The following GRIP1 variants were observed in gnomAD, a reference collection of about 807,000 sequenced individuals.
GRIP1 encodes glutamate receptor-interacting protein 1.
In GRIP1, 45 loss-of-function variants were observed where a neutral mutation model predicts 129.9. That is an observed-to-expected ratio of 0.35 (90% CI 0.27 to 0.44). GRIP1 has a LOEUF of 0.44. Among genes scored for constraint, GRIP1 ranks in the 20% least tolerant of loss-of-function variants. GRIP1 has a pLI of 1.00. For synonymous variants in GRIP1, 530 were observed against 520.8 expected (o/e 1.02, Z -0.24); for missense variants, 1,196 against 1,396.8 (o/e 0.86, Z 2.29).
intron 1 of GRIP1, among the ~76,000 whole-genome samples, chr12:66,908,738 C>T (rs2040978482): frequency 6.6e-6 from 1 of 152,140 alleles, no homozygotes; most frequent in South Asian, 2.1e-4. Context: ...GACTGTATAT[C>T]TTCAGGGATA....
chr12:66,605,698 C>G (rs2064491901), intron 1 of GRIP1, among the ~76,000 whole-genome samples: 1 of 152,142 alleles, frequency 6.6e-6, no homozygotes, highest in African/African-American at 2.4e-5. Context: ...TTCAGTGGCT[C>G]ACTATGATCT....
chr12:67,043,972 C>T (rs150306704), intron 1 of GRIP1, among the ~76,000 whole-genome samples: 222 of 152,092 alleles, frequency 1.5e-3, no homozygotes, highest in African/African-American at 5.3e-3. Context: ...AGCTGCTGAA[C>T]TGAAATATCT....
intron 1 of GRIP1, among the ~76,000 whole-genome samples, chr12:66,893,948 C>G (rs1008634047): frequency 9.9e-5 from 15 of 152,130 alleles, no homozygotes; most frequent in Non-Finnish European, 1.9e-4. Context: ...CTAGCTTCAT[C>G]TCTATTCCTC....
intron 7 of GRIP1, among the ~76,000 whole-genome samples, chr12:66,466,733 T>C (rs1030088587): frequency 1.3e-5 from 2 of 152,250 alleles, no homozygotes; most frequent in African/African-American, 4.8e-5. Flanking sequence ...TGCTATATTA[T>C]GACCTCAAGC....
chr12:66,840,300 G>C (rs979962020), intron 1 of GRIP1, among the ~76,000 whole-genome samples: 1 of 152,188 alleles, frequency 6.6e-6, no homozygotes, highest in African/African-American at 2.4e-5. Flanking sequence ...TAAAGCAGTG[G>C]AGGTTATTCT....
chr12:66,878,994 T>C (rs1252428171), intron 1 of GRIP1, among the ~76,000 whole-genome samples: 3 of 151,608 alleles, frequency 2.0e-5, no homozygotes, highest in Non-Finnish European at 4.4e-5. Flanking sequence ...CATTGAGGGG[T>C]TGGTAGCTAG....
intron 1 of GRIP1, among the ~76,000 whole-genome samples, chr12:66,770,816 C>T (rs571721070): frequency 1.8e-4 from 28 of 152,272 alleles, no homozygotes; most frequent in African/African-American, 5.3e-4. Context: ...TAGCAGTTGG[C>T]GGGGTGCAGT....
At chr12:66,867,255 T>C (rs905656293) in intron 1 of GRIP1, among the ~76,000 whole-genome samples, 2 of 152,074 alleles carry the variant, frequency 1.3e-5, no homozygotes, top group Admixed American at 6.6e-5. Flanking sequence ...TCCCAAAGTG[T>C]TGGGATTACA....
chr12:66,993,760 C>T (rs1246057828), intron 1 of GRIP1, among the ~76,000 whole-genome samples: 1 of 143,534 alleles, frequency 7.0e-6, no homozygotes, highest in Non-Finnish European at 1.5e-5. Flanking sequence ...CACTGCACAC[C>T]AGCCTGGACA....
chr12:66,449,010 C>T (rs1479412421), intron 11 of GRIP1, among the ~76,000 whole-genome samples: 1 of 152,216 alleles, frequency 6.6e-6, no homozygotes, highest in Non-Finnish European at 1.5e-5. Flanking sequence ...CCTCTTGACA[C>T]ACTTTTGTGT....
In GRIP1 at chr12:66,610,902, T is replaced by C. The variant is rs545729551; in HGVS notation, c.56-13975A>G. ...ATACAGAAATAGCTTAGAAAGGTTA[T>C]GCATTTGTGTGCAGATCTACTGAAT... On this transcript the variant is annotated intron_variant, in intron 1 of 24. Coordinates refer to ENST00000359742, the MANE Select transcript of GRIP1 (RefSeq NM_001366722.1). Among the ~76,000 whole-genome samples the C allele has an allele frequency of 4.6e-5, 7 of 152,324 alleles. No homozygotes were observed. In the South Asian group the frequency reaches 1.0e-3, roughly 23 times the overall value.
Position 66,583,098 on chromosome 12 carries a change from C to T in GRIP1, c.136+13749G>A, listed in dbSNP as rs1295982523. 2.9e-3 allele frequency among the ~76,000 whole-genome samples: 441 copies of T among 151,366 alleles called. 4 individuals carry two copies. The highest frequency in any genetic ancestry group is 8.4e-3 in the African/African-American group (347 of 41,244). ...AACAGAACAGAGCCCTCAGAAATAA[C>T]GCCGCATATCTACAACCATCTGATC... On this transcript the variant is annotated intron_variant, in intron 2 of 24. Transcript: ENST00000359742.
intron 2 of GRIP1, among the ~76,000 whole-genome samples, chr12:66,578,770 G>A (rs1176761084): frequency 6.6e-6 from 1 of 152,238 alleles, no homozygotes; most frequent in Admixed American, 6.5e-5. Context: ...CCAACGGGGT[G>A]GAGCCCACCA....
chr12:66,945,650 G>A (rs956149141), intron 1 of GRIP1, among the ~76,000 whole-genome samples: 11 of 152,288 alleles, frequency 7.2e-5, no homozygotes, highest in African/African-American at 2.6e-4. Flanking sequence ...GCCAAGCCAT[G>A]AGGGATCTGC....
At chr12:66,499,696 G>T (rs1385799982) in intron 7 of GRIP1, among the ~76,000 whole-genome samples, 1 of 152,066 alleles carries the variant, frequency 6.6e-6, no homozygotes, top group East Asian at 1.9e-4. Flanking sequence ...CTTTAGCTGG[G>T]TTTACCAGGA....
At chr12:66,830,885 A>G (rs2039504722) in intron 1 of GRIP1, among the ~76,000 whole-genome samples, 3 of 145,582 alleles carry the variant, frequency 2.1e-5, no homozygotes, top group African/African-American at 7.7e-5. Context: ...TCACTCTCTC[A>G]CCCCAGGTTG....
Position 66,708,228 on chromosome 12 carries a change from C to T in GRIP1, c.-419-77892G>A, listed in dbSNP as rs904237178. 5.3e-5 allele frequency among the ~76,000 whole-genome samples: 8 copies of T among 151,858 alleles called. 1 individual carries two copies. The highest frequency in any genetic ancestry group is 1.0e-4 in the Non-Finnish European group (7 of 67,918). On this transcript the variant is annotated intron_variant, in intron 1 of 4. Coordinates refer to the GRIP1 transcript ENST00000538373. ...GTAGGGAGAATGGAATGAGGTTGCT[C>T]ATAATGCTTTTTTACATCAATAATT...
intron 1 of GRIP1, among the ~76,000 whole-genome samples, chr12:66,939,387 T>A (rs2041546741): frequency 6.6e-6 from 1 of 152,134 alleles, no homozygotes; most frequent in Non-Finnish European, 1.5e-5. Context: ...TATTAGAGAC[T>A]CTGTACATCC....
At chr12:66,539,547 T>A (rs1482894297) in intron 3 of GRIP1, among the ~76,000 whole-genome samples, 1 of 61,872 alleles carries the variant, frequency 1.6e-5, no homozygotes, top group East Asian at 6.4e-4. Context: ...AAGAGAAGCT[T>A]TTTTTTTTTT....
Sources: gnomAD v4.1 joint callset for allele counts (sites outside exome capture counted in the v4.1 genomes callset) on GRCh38, gnomAD v4.1.1 for gene constraint, MANE v1.5 for transcripts, NCBI Gene and HGNC (gene_info 2026-07-23, HGNC 2026-07-21) for gene names.